Variants in ATP9B observed in about 807,000 individuals in gnomAD.
The protein encoded by ATP9B is ATPase phospholipid transporting 9B, also known as probable phospholipid-transporting ATPase IIB.
A neutral mutation model predicts 146.1 loss-of-function variants in ATP9B; 110 were observed. The ratio of observed to expected loss-of-function variants is 0.75; its 90% CI spans 0.65 to 0.88. The LOEUF (loss-of-function observed/expected upper bound fraction) is 0.88, where lower values mean the gene tolerates loss of function less well. Among genes scored for constraint, ATP9B ranks in the 40% least tolerant of loss-of-function variants. The pLI is 0.00. For synonymous variants in ATP9B, 604 were observed against 569.7 expected, an observed-to-expected ratio of 1.06 and a Z score of -0.86; for missense variants, 1,499 against 1,496.4, an observed-to-expected ratio of 1.00 and a Z score of -0.03.
intron 14 of ATP9B, among the ~76,000 whole-genome samples, chr18:79,306,146 A>G (rs541716500): frequency 1.3e-5 from 2 of 152,348 alleles, no homozygotes; most frequent in African/African-American, 2.4e-5. Context: ...TTCACAGTTC[A>G]TTGGATCTGT....
chr18:79,200,750 T>TGGGGACTGTCGGGGTCAGAGC (rs2095470870), intron 9 of ATP9B, among the ~76,000 whole-genome samples: 1 of 73,882 alleles, frequency 1.4e-5, no homozygotes. Context: ...AGAGCAGAGG[T>TGGGGACTGTCGGGGTCAGAGC]GGAGGTGGGA....
intron 24 of ATP9B, 34 bp from the exon 25 acceptor site, chr18:79,348,098 G>A (rs1448491161): frequency 1.2e-6 from 2 of 1,612,694 alleles, no homozygotes; most frequent in Admixed American, 3.3e-5. Flanking sequence ...TCGTGGAACT[G>A]ACAGTTGTCT....
At chr18:79,217,970 C>T (rs1308615616) in intron 11 of ATP9B, among the ~76,000 whole-genome samples, 1 of 152,212 alleles carries the variant, frequency 6.6e-6, no homozygotes, top group Non-Finnish European at 1.5e-5. Flanking sequence ...GACATTGATA[C>T]ATTGGAGTTC....
chr18:79,070,986 A>C (rs914493822), intron 1 of ATP9B, among the ~76,000 whole-genome samples: 5 of 150,488 alleles, frequency 3.3e-5, no homozygotes, highest in African/African-American at 1.2e-4. Context: ...ATATGTTAGA[A>C]TATAAGTGTG....
intron 11 of ATP9B, among the ~76,000 whole-genome samples, chr18:79,219,542 CTGAAA>C (rs952699261): frequency 7.0e-6 from 1 of 142,550 alleles, no homozygotes; most frequent in African/African-American, 2.7e-5. Flanking sequence ...GATAAGATTA[CTGAAA>C]AGAAAATCAT....
At chr18:79,329,109 C>A in intron 15 of ATP9B, 32 bp from the exon 16 acceptor site, 2 of 1,501,372 alleles carry the variant, frequency 1.3e-6, no homozygotes, top group South Asian at 1.3e-5. Context: ...CCTGAGGCAG[C>A]GGTGGCCTCA....
chr18:79,231,778 G>GTGTATATA (rs1224214557), intron 11 of ATP9B, among the ~76,000 whole-genome samples: 181 of 121,274 alleles, frequency 1.5e-3, no homozygotes, highest in Non-Finnish European at 2.3e-3. Context: ...GTGTGTGTGT[G>GTGTATATA]TATATATATA....
chr18:79,367,059 CAT>C (rs1377689504), intron 26 of ATP9B, among the ~76,000 whole-genome samples: 1 of 148,892 alleles, frequency 6.7e-6, no homozygotes, highest in East Asian at 2.0e-4. Context: ...AGAGAGCACA[CAT>C]ATCTTCACCT....
intron 17 of ATP9B, among the ~76,000 whole-genome samples, chr18:79,333,710 C>T (rs866219515): frequency 2.0e-5 from 3 of 151,788 alleles, no homozygotes; most frequent in Non-Finnish European, 2.9e-5. Context: ...CTCCTCTCGC[C>T]GTGTGTCATG....
At position 79,373,960 on chromosome 18, in the gene ATP9B, A is replaced by G. The variant is rs2097088503; in HGVS notation, c.3133A>G (p.Ile1045Val). 6.2e-7 allele frequency: 1 copy of G among 1,613,950 alleles called. No homozygotes were observed. The highest frequency in any genetic ancestry group is 1.3e-5 in the African/African-American group (1 of 75,020). Reference sequence around the variant, plus strand: ...GTCTGAGTTCGTCCACGTGGTGGCCATCTCCTTCACCGCACTGATCCTGAC... The same window carrying G: ...GTCTGAGTTCGTCCACGTGGTGGCCGTCTCCTTCACCGCACTGATCCTGAC... The part of the protein sequence containing the change: ...FESEFVHVVA[I>V]SFTALILTEL... Residue 1045 changes from isoleucine (I) to valine (V), a missense_variant, in exon 28 of 30, where the codon ATC (isoleucine) becomes GTC (valine). Transcript: ENST00000426216.
intron 5 of ATP9B, among the ~76,000 whole-genome samples, chr18:79,140,314 TATC>T (rs1180721983): frequency 6.6e-6 from 1 of 152,216 alleles, no homozygotes; most frequent in Admixed American, 6.5e-5. Flanking sequence ...TCTAAATAAT[TATC>T]ATCGAATGGA....
rs557893886 is a variant in ATP9B, at chr18:79,349,892, G to A, written c.2903+1696G>A. 9.7e-5 allele frequency among the ~76,000 whole-genome samples: 10 copies of A among 103,008 alleles called. 1 individual carries two copies. Among genetic ancestry groups the A allele is most frequent in the Admixed American group, 6.7e-4 (7 of 10,378 alleles). The allele number at this position is 103,008 out of a possible 152,430, so 67.6% of individuals were successfully genotyped here. On this transcript the variant is annotated intron_variant, in intron 25 of 29. Coordinates refer to ENST00000426216, the MANE Select transcript of ATP9B (RefSeq NM_198531.5). ...TGTCCTTGCTTCCCTGGGAGGCCCCGCACCCCCCCCCCCACCATGCACCTT... is the reference window on the plus strand; with the variant it reads ...TGTCCTTGCTTCCCTGGGAGGCCCCACACCCCCCCCCCCACCATGCACCTT...
At chr18:79,229,656 A>C (rs942841709) in intron 11 of ATP9B, among the ~76,000 whole-genome samples, 1 of 152,202 alleles carries the variant, frequency 6.6e-6, no homozygotes, top group Non-Finnish European at 1.5e-5. Flanking sequence ...ACGTCAGGTT[A>C]CTGCTGCGTG....
In ATP9B at chr18:79,330,063, A is replaced by G. The variant is rs746939670; in HGVS notation, c.1987A>G (p.Met663Val). ...CTACATGAAGGGCGCTGACGTGGCC[A>G]TGTCTCCTATCGTGCAGTATAATGA... ...TFYMKGADVA[M>V]SPIVQYNDWL... Residue 663 changes from methionine (M) to valine (V), a missense_variant, in exon 17 of 30, where the codon ATG (methionine) becomes GTG (valine). Transcript: ENST00000426216. 1.7e-5 allele frequency: 28 copies of G among 1,614,080 alleles called. No homozygotes were observed. Among genetic ancestry groups the G allele is most frequent in the East Asian group, 2.2e-5 (1 of 44,902 alleles).
intron 15 of ATP9B, among the ~76,000 whole-genome samples, chr18:79,327,499 GTGTGCTCTCTC>G (rs1230103818): frequency 6.8e-6 from 1 of 147,014 alleles, no homozygotes; most frequent in African/African-American, 2.6e-5. Context: ...TCCGTGGTTA[GTGTGCTCTCTC>G]CATGGTTAGC....
chr18:79,276,970 A>G, intron 12 of ATP9B, 84 bp from the exon 13 acceptor site: 5 of 1,549,982 alleles, frequency 3.2e-6, no homozygotes, highest in Non-Finnish European at 4.4e-6. Context: ...TAACCACTGC[A>G]GTGGGTTTTA....
intron 13 of ATP9B, among the ~76,000 whole-genome samples, chr18:79,296,106 C>T (rs910153096): frequency 1.3e-5 from 2 of 152,188 alleles, no homozygotes; most frequent in African/African-American, 4.8e-5. Flanking sequence ...GCCTCAAACT[C>T]CTGAGCGCAG....
Position 79,314,626 on chromosome 18 carries a change from C to G in ATP9B, c.1773+7392C>G, listed in dbSNP as rs370869278. Among the ~76,000 whole-genome samples, 8 of 152,184 alleles carry G rather than the reference C, an allele frequency of 5.3e-5. No homozygotes were observed. In the East Asian group the frequency reaches 1.3e-3, roughly 26 times the overall value. On this transcript the variant is annotated intron_variant, in intron 15 of 29. Coordinates refer to ENST00000426216, the MANE Select transcript of ATP9B (RefSeq NM_198531.5). Reference sequence around the variant, plus strand: ...TCATAATGTGGAACCTACTTATGCCCCGGTCATTGTTTCTTATGATAAGTG... The same window carrying G: ...TCATAATGTGGAACCTACTTATGCCGCGGTCATTGTTTCTTATGATAAGTG...
rs1329494406 is a variant in ATP9B, at chr18:79,298,473, AAC to A, written c.1412-5127_1412-5126del. Among the ~76,000 whole-genome samples, 3 of 146,710 alleles carry A rather than the reference AAC, an allele frequency of 2.0e-5. 1 individual carries two copies. The highest frequency in any genetic ancestry group is 7.5e-5 in the African/African-American group (3 of 39,856). On this transcript the variant is annotated intron_variant, in intron 13 of 29. Transcript: ENST00000426216. ...AAAGAAACCAAAATAGACCGAAATA[AAC>A]ACAGTGATTTTGCTCATGGACCTCA...
Sources: gnomAD v4.1 joint callset for allele counts (sites outside exome capture counted in the v4.1 genomes callset) on GRCh38, gnomAD v4.1.1 for gene constraint, MANE v1.5 for transcripts, NCBI Gene and HGNC (gene_info 2026-07-23, HGNC 2026-07-21) for gene names.